Variants in BAZ2B observed in about 807,000 individuals in gnomAD.
The protein encoded by BAZ2B is bromodomain adjacent to zinc finger domain 2B.
Under a neutral mutation model 246.0 loss-of-function variants are expected in BAZ2B, and 91 were observed. The ratio of observed to expected loss-of-function variants is 0.37; its 90% CI spans 0.31 to 0.44. The LOEUF (loss-of-function observed/expected upper bound fraction) is 0.44. Among genes scored for constraint, BAZ2B ranks in the 20% least tolerant of loss-of-function variants. The probability of loss-of-function intolerance (pLI) is 1.00; values close to 1 mark genes in which losing one functional copy is unlikely to be tolerated. For missense variants in BAZ2B, 2,332 were observed against 2,533.7 expected, an observed-to-expected ratio of 0.92 and a Z score of 1.71; for synonymous variants, 855 against 860.0, an observed-to-expected ratio of 0.99 and a Z score of 0.10.
chr2:159,385,787 A>C (rs912336136), intron 22 of BAZ2B, among the ~76,000 whole-genome samples: 5 of 152,230 alleles, frequency 3.3e-5, no homozygotes, highest in African/African-American at 1.2e-4. Flanking sequence ...CTGGCTGGGG[A>C]TAATAAATAG....
chr2:159,369,526 T>C (rs1010193235), intron 27 of BAZ2B, among the ~76,000 whole-genome samples: 4 of 149,938 alleles, frequency 2.7e-5, no homozygotes, highest in Non-Finnish European at 5.9e-5. Flanking sequence ...AATCCAGGTA[T>C]ACAATGATAA....
At chr2:159,596,748 AT>A (rs1264562096) in intron 1 of BAZ2B, among the ~76,000 whole-genome samples, 1 of 152,204 alleles carries the variant, frequency 6.6e-6, no homozygotes, top group East Asian at 1.9e-4. Flanking sequence ...TCCTCGTATC[AT>A]AACTTAGCTC....
intron 3 of BAZ2B, among the ~76,000 whole-genome samples, chr2:159,456,166 A>T (rs1244018749): frequency 6.6e-6 from 1 of 152,082 alleles, no homozygotes; most frequent in East Asian, 1.9e-4. Flanking sequence ...ATATTACAAA[A>T]ATCCAGAATA....
At chr2:159,567,131 T>G (rs774844911) in intron 1 of BAZ2B, among the ~76,000 whole-genome samples, 19 of 152,146 alleles carry the variant, frequency 1.2e-4, no homozygotes, top group Admixed American at 3.9e-4. Flanking sequence ...TAGTCCCAGC[T>G]ACTCAGGAGG....
intron 2 of BAZ2B, among the ~76,000 whole-genome samples, chr2:159,510,632 T>C (rs1247584272): frequency 1.3e-5 from 2 of 152,216 alleles, no homozygotes; most frequent in East Asian, 1.9e-4. Context: ...ATAGATATTT[T>C]ACTGCAATGT....
intron 6 of BAZ2B, among the ~76,000 whole-genome samples, chr2:159,443,400 CTGAGA>C (rs1156836894): frequency 3.9e-5 from 6 of 152,016 alleles, no homozygotes; most frequent in Non-Finnish European, 7.4e-5. Flanking sequence ...ATGAGAATGG[CTGAGA>C]TAAGTACCCC....
chr2:159,586,058 C>T (rs1387053132), intron 1 of BAZ2B, among the ~76,000 whole-genome samples: 1 of 152,160 alleles, frequency 6.6e-6, no homozygotes, highest in African/African-American at 2.4e-5. Flanking sequence ...ACAAGTCAGT[C>T]ATTTTATATG....
chr2:159,533,154 T>A (rs1047286032), intron 2 of BAZ2B, among the ~76,000 whole-genome samples: 16 of 152,314 alleles, frequency 1.1e-4, no homozygotes, highest in African/African-American at 3.4e-4. Context: ...CAGGCACTTT[T>A]AAGTTTTGAT....
the BAZ2B span, among the ~76,000 whole-genome samples, chr2:159,657,315 T>A: frequency 6.6e-6 from 1 of 151,996 alleles, no homozygotes; most frequent in African/African-American, 2.4e-5. Context: ...GGTCTATTTC[T>A]GTGTTCTGTA....
intron 4 of BAZ2B, among the ~76,000 whole-genome samples, chr2:159,453,003 G>A (rs2075287567): frequency 6.6e-6 from 1 of 152,216 alleles, no homozygotes; most frequent in Non-Finnish European, 1.5e-5. Flanking sequence ...GGGAGGCTGA[G>A]ACAGGAGAAC....
the BAZ2B span, among the ~76,000 whole-genome samples, chr2:159,651,605 T>G: frequency 3.3e-5 from 5 of 152,118 alleles, no homozygotes; most frequent in Middle Eastern, 3.2e-3. Context: ...ACCATAAAAC[T>G]TACCCCTTTG....
intron 36 of BAZ2B, among the ~76,000 whole-genome samples, chr2:159,322,774 A>G (rs2062873294): frequency 6.6e-6 from 1 of 152,146 alleles, no homozygotes; most frequent in Non-Finnish European, 1.5e-5. Flanking sequence ...TAAAAATTTG[A>G]AATATGGTTT....
intron 13 of BAZ2B, among the ~76,000 whole-genome samples, chr2:159,414,646 G>A (rs946308199): frequency 6.6e-6 from 1 of 151,808 alleles, no homozygotes; most frequent in Non-Finnish European, 1.5e-5. Context: ...GTGAAACCCC[G>A]TCTCTACTAA....
the BAZ2B span, chr2:159,690,078 TA>T: frequency 2.0e-6 from 1 of 500,424 alleles, no homozygotes; most frequent in Non-Finnish European, 3.4e-6. Flanking sequence ...TGAATTTTTC[TA>T]AATGCAACTT....
rs769930463 is a variant in BAZ2B, at chr2:159,412,318, C to T, written c.2677+17G>A. 1.4e-5 allele frequency: 22 copies of T among 1,610,010 alleles called. No homozygotes were observed. The highest frequency in any genetic ancestry group is 9.4e-5 in the African/African-American group (7 of 74,838). ...TTTTAGTATGATTATTAGTGTCAGA[C>T]ACATTATGTTTCTTACCTTGAGCTT... On this transcript the variant is annotated intron_variant, in intron 14 of 36. Coordinates refer to ENST00000392783, the MANE Select transcript of BAZ2B (RefSeq NM_013450.4).
chr2:159,414,646 G>T (rs946308199), intron 13 of BAZ2B, among the ~76,000 whole-genome samples: 3 of 151,808 alleles, frequency 2.0e-5, no homozygotes, highest in Non-Finnish European at 4.4e-5. Context: ...GTGAAACCCC[G>T]TCTCTACTAA....
the BAZ2B span, among the ~76,000 whole-genome samples, chr2:159,682,777 C>T: frequency 6.6e-6 from 1 of 152,144 alleles, no homozygotes; most frequent in Non-Finnish European, 1.5e-5. Context: ...CTCAATTTCT[C>T]TGCAATTTCC....
chr2:159,395,986 A>G, intron 19 of BAZ2B, 152 bp from the exon 20 acceptor site: 2 of 601,362 alleles, frequency 3.3e-6, no homozygotes, highest in Non-Finnish European at 5.7e-6. Flanking sequence ...ATATAAGACA[A>G]GAATGGCCAG....
At chr2:159,328,069 CG>C (rs1431115442) in intron 34 of BAZ2B, among the ~76,000 whole-genome samples, 195 of 111,478 alleles carry the variant, frequency 1.7e-3, no homozygotes, top group South Asian at 3.0e-3. Flanking sequence ...AGCCTCAAAA[CG>C]AAAAAAAAAA....
Sources: allele counts gnomAD v4.1 joint callset (sites outside exome capture counted in the v4.1 genomes callset), GRCh38; gene constraint gnomAD v4.1.1; transcripts MANE v1.5; gene names NCBI Gene and HGNC (gene_info 2026-07-23, HGNC 2026-07-21).